Variants in TRAK1 observed in about 807,000 individuals in gnomAD.
TRAK1 encodes trafficking kinesin-binding protein 1.
A neutral mutation model predicts 92.1 loss-of-function variants in TRAK1; 33 were observed. The observed-to-expected ratio is 0.36, with a 90% CI of 0.27 to 0.48. The LOEUF is 0.48. TRAK1 is among the 20% of genes least tolerant of loss of function. The pLI, the probability that TRAK1 is intolerant of heterozygous loss-of-function variation, is 0.99. For missense variants in TRAK1, 1,123 were observed against 1,257.9 expected (o/e 0.89, Z 1.62); for synonymous variants, 521 against 517.3 (o/e 1.01, Z -0.10).
chr3:42,113,136 T>C (rs1426484749), intron 1 of TRAK1, among the ~76,000 whole-genome samples: 1 of 152,114 alleles, frequency 6.6e-6, no homozygotes, highest in Non-Finnish European at 1.5e-5. Flanking sequence ...ATCCCAGCAC[T>C]TTGGGAGGCT....
chr3:42,095,753 T>G (rs542886816), intron 1 of TRAK1, among the ~76,000 whole-genome samples: 1 of 148,588 alleles, frequency 6.7e-6, no homozygotes. Flanking sequence ...TCATCAGTCA[T>G]TTAATTAAAC....
Position 42,154,307 on chromosome 3 carries a change from G to A in TRAK1, c.287-22507G>A, listed in dbSNP as rs575257332. The stretch of plus-strand genomic sequence containing the variant: ...CCTGCCTCAACCTCCTGAGTAGTTA[G>A]GATTACAGGTGTCCATCACCATGCC... On this transcript the variant is annotated intron_variant, in intron 2 of 15. Coordinates refer to ENST00000327628, the MANE Select transcript of TRAK1 (RefSeq NM_001042646.3). 2.6e-5 allele frequency among the ~76,000 whole-genome samples: 4 copies of A among 151,908 alleles called. No individual in the cohort carries two copies. The East Asian group carries it at 5.8e-4, about 22-fold the overall frequency.
At chr3:42,218,037 C>G in intron 14 of TRAK1, 1 of 985,220 alleles carries the variant, frequency 1.0e-6, no homozygotes, top group South Asian at 4.7e-5. Context: ...GCTGTCACGT[C>G]AGGTGCCATG....
intron 3 of TRAK1, among the ~76,000 whole-genome samples, chr3:42,182,299 C>CTTT (rs57384116): frequency 6.9e-6 from 1 of 144,288 alleles, no homozygotes; most frequent in African/African-American, 2.6e-5. Context: ...GCAACTCTCT[C>CTTT]TTTTTTTTTT....
At chr3:42,047,688 T>A (rs1204435687) in intron 1 of TRAK1, among the ~76,000 whole-genome samples, 1 of 152,150 alleles carries the variant, frequency 6.6e-6, no homozygotes, top group Non-Finnish European at 1.5e-5. Context: ...TAATGACTAT[T>A]TTTGTGTTCC....
At chr3:42,021,897 T>A (rs1286588443) in intron 1 of TRAK1, among the ~76,000 whole-genome samples, 1 of 152,180 alleles carries the variant, frequency 6.6e-6, no homozygotes, top group African/African-American at 2.4e-5. Flanking sequence ...TTAAGAGGAT[T>A]ATGTGAATTT....
intron 15 of TRAK1, among the ~76,000 whole-genome samples, 190 bp downstream of exon 15, chr3:42,219,786 G>GTTTTTTTTT (rs397989334): frequency 3.1e-5 from 2 of 63,526 alleles, no homozygotes; most frequent in African/African-American, 4.3e-5. Flanking sequence ...GTTGTTATGT[G>GTTTTTTTTT]TTTTTTTTTT....
intron 13 of TRAK1, 79 bp from the exon 14 acceptor site, chr3:42,209,687 TA>T: frequency 1.4e-6 from 2 of 1,416,034 alleles, no homozygotes; most frequent in Non-Finnish European, 9.7e-7. Flanking sequence ...TTGAGGGTGG[TA>T]AACAGCCATT....
intron 1 of TRAK1, among the ~76,000 whole-genome samples, chr3:42,072,975 G>T (rs1300351776): frequency 6.6e-6 from 1 of 152,146 alleles, no homozygotes; most frequent in African/African-American, 2.4e-5. Context: ...CATTTATTTT[G>T]TGTTTATCTG....
intron 1 of TRAK1, among the ~76,000 whole-genome samples, chr3:42,119,169 A>T (rs982355972): frequency 6.6e-6 from 1 of 152,230 alleles, no homozygotes; most frequent in African/African-American, 2.4e-5. Context: ...ATTAGTAGGG[A>T]AGAGCCACAG....
chr3:42,104,785 C>G (rs1319838486), intron 1 of TRAK1, among the ~76,000 whole-genome samples: 1 of 152,200 alleles, frequency 6.6e-6, no homozygotes. Flanking sequence ...AATCAGAGCA[C>G]CTCTTCTCCT....
chr3:42,038,583 C>T (rs1380415373), intron 1 of TRAK1, among the ~76,000 whole-genome samples: 1 of 151,812 alleles, frequency 6.6e-6, no homozygotes, highest in Non-Finnish European at 1.5e-5. Context: ...CTCAGGAGTT[C>T]GAGACCAGCC....
intron 1 of TRAK1, among the ~76,000 whole-genome samples, chr3:42,023,858 A>G (rs1313938312): frequency 1.3e-5 from 2 of 149,328 alleles, no homozygotes; most frequent in South Asian, 2.1e-4. Flanking sequence ...GGTTCAAGCA[A>G]TTCTCCTGCC....
intron 14 of TRAK1, chr3:42,211,142 T>A: frequency 1.0e-6 from 1 of 985,400 alleles, no homozygotes; most frequent in African/African-American, 1.7e-5. Flanking sequence ...CGTTTATCTT[T>A]GTGATTCATA....
upstream of TRAK1, among the ~76,000 whole-genome samples, chr3:42,089,408 T>C: frequency 6.6e-6 from 1 of 152,088 alleles, no homozygotes; most frequent in South Asian, 2.1e-4. Context: ...TTTAATACAA[T>C]CAGATGGTTT....
At chr3:42,186,822 G>GT (rs897300502) in intron 4 of TRAK1, among the ~76,000 whole-genome samples, 29 of 151,340 alleles carry the variant, frequency 1.9e-4, no homozygotes, top group African/African-American at 6.8e-4. Context: ...TAAATTATCA[G>GT]TCTAGGTGTC....
At chr3:42,059,477 T>G (rs960916510) in intron 1 of TRAK1, among the ~76,000 whole-genome samples, 1 of 152,198 alleles carries the variant, frequency 6.6e-6, no homozygotes, top group Non-Finnish European at 1.5e-5. Flanking sequence ...CTAATAAAAT[T>G]TTCAAAACAG....
chr3:42,183,622 G>T (rs938472301), intron 3 of TRAK1, among the ~76,000 whole-genome samples: 1 of 151,132 alleles, frequency 6.6e-6, no homozygotes, highest in Non-Finnish European at 1.5e-5. Flanking sequence ...AGCAAAAGCC[G>T]TTTGCCTGGG....
chr3:42,080,570 T>G (rs758932391), intron 1 of TRAK1, among the ~76,000 whole-genome samples: 3 of 152,224 alleles, frequency 2.0e-5, no homozygotes, highest in Non-Finnish European at 4.4e-5. Context: ...AAGAAGCCTT[T>G]TGCCTGGTGT....
Sources: gnomAD v4.1 joint callset for allele counts (sites outside exome capture counted in the v4.1 genomes callset) on GRCh38, gnomAD v4.1.1 for gene constraint, MANE v1.5 for transcripts, NCBI Gene and HGNC (gene_info 2026-07-23, HGNC 2026-07-21) for gene names.